The following LMO7 variants were observed in gnomAD, a reference collection of about 807,000 sequenced individuals.
LMO7 encodes the protein LIM domain 7, also known as LIM domain only protein 7.
LMO7 carries 120 observed loss-of-function variants against 206.5 expected under a neutral mutation model. The observed-to-expected ratio is 0.58, with a 90% CI of 0.50 to 0.68. LMO7 has a LOEUF of 0.68. LMO7 is among the 30% of genes least tolerant of loss of function. The pLI is 0.00. For synonymous variants in LMO7, 706 were observed against 681.5 expected, an observed-to-expected ratio of 1.04 and a Z score of -0.56; for missense variants, 1,959 against 1,957.9, an observed-to-expected ratio of 1.00 and a Z score of -0.01.
At chr13:75,764,770 A>G (rs1039417368) in intron 4 of LMO7, among the ~76,000 whole-genome samples, 1 of 152,166 alleles carries the variant, frequency 6.6e-6, no homozygotes, top group Admixed American at 6.5e-5. Context: ...GCAAGTCTTC[A>G]GATACATTCT....
intron 3 of LMO7, among the ~76,000 whole-genome samples, chr13:75,743,627 C>T (rs1357244793): frequency 6.6e-6 from 1 of 152,132 alleles, no homozygotes; most frequent in African/African-American, 2.4e-5. Flanking sequence ...TATGTTCTCA[C>T]ATATAAGTGG....
Position 75,804,347 on chromosome 13 carries a change from T to A in LMO7, c.720T>A (p.Asp240Glu), listed in dbSNP as rs753045576. The A allele has an allele frequency of 1.2e-6, 2 of 1,613,910 alleles. No individual in the cohort carries two copies. The highest frequency in any genetic ancestry group is 1.7e-6 in the Non-Finnish European group (2 of 1,179,862). ...FTFKMQDYNK[D>E]DMSYRRISAV... ...TTAAGATGCAGGATTATAATAAAGA[T>A]GATATGTCGTATCGAAGGATTTCGG... is the stretch of plus-strand genomic sequence containing the variant. Residue 240 changes from aspartate to glutamate, a missense_variant, in exon 8 of 31, where the codon GAT (aspartate) becomes GAA (glutamate). By Grantham distance (45) the Asp-to-Glu change is conservative. Transcript: ENST00000377534.
chr13:75,656,283 T>G (rs2038056230), intron 1 of LMO7, among the ~76,000 whole-genome samples: 1 of 151,588 alleles, frequency 6.6e-6, no homozygotes, highest in Admixed American at 6.6e-5. Context: ...CCAGGGGAGG[T>G]GTTTGGTTTG....
chr13:75,796,754 G>T lies in LMO7; in HGVS notation c.462+5G>T. On this transcript the variant is annotated splice_donor_5th_base_variant and intron_variant, in intron 6 of 30. Transcript: ENST00000377534. ...TTAGGACAAGCACTGACGAAGGTAA[G>T]TAAACTACATCTGTGTGAGATTACT... 6.6e-7 allele frequency: 1 copy of T among 1,513,114 alleles called. No homozygotes were observed. The highest frequency in any genetic ancestry group is 1.1e-5 in the South Asian group (1 of 89,008). 93.7% of individuals were successfully genotyped at this position (1,513,114 alleles called of 1,614,324 possible). A position where few individuals can be genotyped will look rare whatever the true frequency, so the allele number is the denominator to read the frequency against.
intron 1 of LMO7, among the ~76,000 whole-genome samples, chr13:75,682,123 C>T (rs1360635868): frequency 6.6e-6 from 1 of 152,144 alleles, no homozygotes; most frequent in Non-Finnish European, 1.5e-5. Context: ...GAGTTCTATT[C>T]TTCTACACCC....
In LMO7 at chr13:75,819,277, A is replaced by G. The variant is rs541460265; in HGVS notation, c.2065-116A>G. 7.7e-5 allele frequency: 97 copies of G among 1,254,678 alleles called. No individual in the cohort carries two copies. The African/African-American group carries it at 1.0e-3, about 14-fold the overall frequency. 77.7% of individuals were successfully genotyped at this position (1,254,678 alleles called of 1,614,324 possible). On this transcript the variant is annotated intron_variant, in intron 12 of 30. Coordinates refer to ENST00000377534, the MANE Select transcript of LMO7 (RefSeq NM_001306080.2). ...AAAAGCAAAATTAGGGCACCTTGGC[A>G]TCCAGTTGGAGTGAATAGTTTCAGT...
At position 75,736,896 on chromosome 13, in the gene LMO7, G is replaced by A. The variant is rs889702200; in HGVS notation, c.210+9798G>A. On this transcript the variant is annotated intron_variant, in intron 3 of 30. Coordinates refer to ENST00000377534, the MANE Select transcript of LMO7 (RefSeq NM_001306080.2). ...CTAGCATAGTGACTGATACATATAG[G>A]AGATCAAAGGTTTTTTAAAGAAATG... Among the ~76,000 whole-genome samples the A allele has an allele frequency of 8.5e-5, 13 of 152,248 alleles. No individual in the cohort carries two copies. In the East Asian group the frequency reaches 2.1e-3, roughly 25 times the overall value.
intron 1 of LMO7, among the ~76,000 whole-genome samples, chr13:75,709,346 A>G (rs1386309271): frequency 1.3e-5 from 2 of 152,144 alleles, no homozygotes; most frequent in South Asian, 2.1e-4. Flanking sequence ...TGGTATTTCT[A>G]CTTCAAGATC....
chr13:75,850,141 G>A (rs1189051092), intron 27 of LMO7, among the ~76,000 whole-genome samples: 1 of 152,022 alleles, frequency 6.6e-6, no homozygotes, highest in Non-Finnish European at 1.5e-5. Context: ...AAGACAAAGG[G>A]ATATGAACAG....
At position 75,851,283 on chromosome 13, in the gene LMO7, G is replaced by C. The variant is rs137874412; in HGVS notation, c.4365-1809G>C. ...AATGGAAAAGAAGTTATTGAAAACT[G>C]TGTTGTGGAATAATCCATTTGTTTA... is the stretch of plus-strand genomic sequence containing the variant. On this transcript the variant is annotated intron_variant, in intron 27 of 30. Coordinates refer to ENST00000377534, the MANE Select transcript of LMO7 (RefSeq NM_001306080.2). 4.4e-4 allele frequency among the ~76,000 whole-genome samples: 67 copies of C among 152,176 alleles called. 1 individual carries two copies. The East Asian group carries it at 0.011, about 24-fold the overall frequency.
intron 2 of LMO7, among the ~76,000 whole-genome samples, chr13:75,625,412 T>C (rs2033896274): frequency 6.9e-6 from 1 of 144,978 alleles, no homozygotes. Flanking sequence ...CAGCAGAAGA[T>C]GCAAGTGTGT....
chr13:75,808,048 C>T lies in LMO7; in HGVS notation c.1765C>T (p.Leu589=), dbSNP rs1195508383. ...PSYRQKKDDM[L]TRKIQSWKLG... ...ATATCGGCAGAAGAAAGATGACATG[C>T]TGACACGTAAGATTCAGTCCTGGAA... Residue 589 remains leucine (L), a synonymous_variant, in exon 10 of 31, where the codon CTG becomes TTG. Transcript: ENST00000377534. 6.2e-7 allele frequency: 1 copy of T among 1,613,844 alleles called. No individual in the cohort carries two copies. Among genetic ancestry groups the T allele is most frequent in the Non-Finnish European group, 8.5e-7 (1 of 1,179,886 alleles).
chr13:75,833,628 T>C (rs1029212944), intron 16 of LMO7, among the ~76,000 whole-genome samples: 2 of 152,126 alleles, frequency 1.3e-5, no homozygotes, highest in Non-Finnish European at 2.9e-5. Flanking sequence ...CCTGTCCAGG[T>C]CTATACCATG....
intron 20 of LMO7, 43 bp from the exon 21 acceptor site, chr13:75,840,042 T>C (rs750945060): frequency 2.5e-6 from 4 of 1,592,388 alleles, no homozygotes; most frequent in Non-Finnish European, 3.4e-6. Context: ...AATGAAGACT[T>C]ATATTGTATA....
chr13:75,711,991 C>T (rs184806531), intron 1 of LMO7, among the ~76,000 whole-genome samples: 25 of 152,318 alleles, frequency 1.6e-4, no homozygotes, highest in African/African-American at 6.0e-4. Context: ...AGGCTCCTGT[C>T]CAAATGTATA....
chr13:75,766,508 A>T (rs1285660320), intron 4 of LMO7, among the ~76,000 whole-genome samples: 1 of 151,750 alleles, frequency 6.6e-6, no homozygotes, highest in Non-Finnish European at 1.5e-5. Flanking sequence ...TGTGGCATAT[A>T]CTTACACAGA....
rs79866174 is a variant in LMO7, at chr13:75,644,956, C to T, written c.69+8230C>T. ...CAGATGGACACTGTTGAGCAATTGC[C>T]GACTTTAGGTTTATATATTTGAATG... On this transcript the variant is annotated intron_variant, in intron 1 of 30. Transcript: ENST00000377534. 8.9e-3 allele frequency among the ~76,000 whole-genome samples: 1,355 copies of T among 152,122 alleles called. 18 individuals are homozygous for T. The highest frequency in any genetic ancestry group is 0.03 in the African/African-American group (1,241 of 41,478).
chr13:75,773,848 G>T (rs2050047332), intron 4 of LMO7, among the ~76,000 whole-genome samples: 1 of 152,164 alleles, frequency 6.6e-6, no homozygotes, highest in Non-Finnish European at 1.5e-5. Flanking sequence ...GGAAAACAAA[G>T]TCCAGCTCTG....
At chr13:75,792,927 A>T (rs2053505122) in intron 4 of LMO7, among the ~76,000 whole-genome samples, 1 of 152,206 alleles carries the variant, frequency 6.6e-6, no homozygotes, top group Non-Finnish European at 1.5e-5. Flanking sequence ...CATCCCTTGT[A>T]TTTCCAATGA....
Sources: allele counts gnomAD v4.1 joint callset (sites outside exome capture counted in the v4.1 genomes callset), GRCh38; gene constraint gnomAD v4.1.1; transcripts MANE v1.5; gene names NCBI Gene and HGNC (gene_info 2026-07-23, HGNC 2026-07-21).